PAG1: variants seen among roughly 807,000 people sequenced by gnomAD.
PAG1 encodes the protein phosphoprotein associated with glycosphingolipid-enriched microdomains 1.
Under a neutral mutation model 31.7 loss-of-function variants are expected in PAG1, and 23 were observed. That is an observed-to-expected ratio of 0.73 (90% CI 0.52 to 1.03). The LOEUF is 1.03. PAG1 is among the 50% of genes least tolerant of loss of function. The pLI, the probability that PAG1 is intolerant of heterozygous loss-of-function variation, is 0.00. For missense variants in PAG1, 473 were observed against 540.7 expected, an observed-to-expected ratio of 0.87 and a Z score of 1.24; for synonymous variants, 214 against 210.3, an observed-to-expected ratio of 1.02 and a Z score of -0.15.
At chr8:81,037,558 A>C (rs1341645495) in intron 2 of PAG1, among the ~76,000 whole-genome samples, 2 of 152,252 alleles carry the variant, frequency 1.3e-5, no homozygotes, top group Non-Finnish European at 2.9e-5. Flanking sequence ...CGATGTGTTT[A>C]AGAGAAGCTC....
chr8:80,974,947 T>C lies in PAG1; in HGVS notation c.*1597A>G. The C allele has an allele frequency of 6.6e-6, 1 of 152,246 alleles. No individual in the cohort carries two copies. 9.4% of individuals were successfully genotyped at this position (152,246 alleles called of 1,614,324 possible). On this transcript the variant is annotated 3_prime_UTR_variant, in exon 9 of 9. Coordinates refer to ENST00000220597, the MANE Select transcript of PAG1 (RefSeq NM_018440.4). ...AATTCAAACCAGGCTGAGCTCTTAC[T>C]CTGAGCTATTTCAGCCACTGATGTT...
intron 3 of PAG1, among the ~76,000 whole-genome samples, chr8:81,000,423 C>T (rs1008247069): frequency 6.6e-6 from 1 of 151,178 alleles, no homozygotes; most frequent in African/African-American, 2.4e-5. Flanking sequence ...AAGGCAAATC[C>T]TTTTTTTTTG....
chr8:81,090,098 TCAAA>T (rs897966072), intron 1 of PAG1, among the ~76,000 whole-genome samples: 7 of 152,172 alleles, frequency 4.6e-5, no homozygotes, highest in African/African-American at 1.7e-4. Context: ...TAAAACAATC[TCAAA>T]CAATTACCTA....
chr8:81,048,119 T>G lies in PAG1; in HGVS notation c.-174-18030A>C, dbSNP rs113463359. On this transcript the variant is annotated intron_variant, in intron 2 of 8. Transcript: ENST00000220597. ...CAAACTCCTCATCCCTGCTTGTGCC[T>G]TTGCTGATACCATTCATGACTGGAA... Among the ~76,000 whole-genome samples the G allele has an allele frequency of 3.3e-3, 506 of 152,264 alleles. 3 individuals are homozygous for G. The highest frequency in any genetic ancestry group is 0.011 in the African/African-American group (475 of 41,536).
intron 2 of PAG1, among the ~76,000 whole-genome samples, chr8:81,045,189 G>T (rs1313244865): frequency 1.3e-5 from 2 of 152,116 alleles, no homozygotes; most frequent in Non-Finnish European, 2.9e-5. Context: ...TGTTAAACAT[G>T]TCTCATGTAA....
At chr8:81,098,299 T>G (rs140317102) in intron 1 of PAG1, among the ~76,000 whole-genome samples, 1 of 152,364 alleles carries the variant, frequency 6.6e-6, no homozygotes, top group East Asian at 1.9e-4. Context: ...TTCAATAATT[T>G]GCAACAAGTC....
At chr8:81,041,169 G>A (rs1385692104) in intron 2 of PAG1, among the ~76,000 whole-genome samples, 1 of 152,044 alleles carries the variant, frequency 6.6e-6, no homozygotes, top group African/African-American at 2.4e-5. Flanking sequence ...AGAAATATAG[G>A]AGCAGCCTCC....
At position 81,109,523 on chromosome 8, in the gene PAG1, TAG is replaced by T. The variant is rs1169573535; in HGVS notation, c.-234+2066_-234+2067del. 2.0e-5 allele frequency among the ~76,000 whole-genome samples: 3 copies of T among 152,224 alleles called. No homozygotes were observed. The East Asian group carries it at 5.8e-4, about 29-fold the overall frequency. ...AAATACCAGTTGGTGTCTGTATCGC[TAG>T]ACAGTGCACAATAAATGTTTATACC... is the stretch of plus-strand genomic sequence containing the variant. On this transcript the variant is annotated intron_variant, in intron 1 of 8. Transcript: ENST00000220597.
chr8:81,036,792 T>C (rs1808468575), intron 2 of PAG1, among the ~76,000 whole-genome samples: 1 of 152,222 alleles, frequency 6.6e-6, no homozygotes, highest in African/African-American at 2.4e-5. Flanking sequence ...ACTCCCCAGC[T>C]GCTTTGGCTC....
At chr8:81,056,973 T>A (rs1808834510) in intron 2 of PAG1, among the ~76,000 whole-genome samples, 1 of 152,194 alleles carries the variant, frequency 6.6e-6, no homozygotes, top group African/African-American at 2.4e-5. Context: ...GAAAAAGTGC[T>A]CATCATCACT....
intron 6 of PAG1, among the ~76,000 whole-genome samples, chr8:80,986,280 G>A (rs1289640146): frequency 3.3e-5 from 5 of 152,166 alleles, no homozygotes; most frequent in Non-Finnish European, 5.9e-5. Flanking sequence ...TGATCATCAC[G>A]GAGGGGGTGA....
intron 3 of PAG1, among the ~76,000 whole-genome samples, chr8:81,027,342 C>G (rs1808299666): frequency 6.6e-6 from 1 of 152,140 alleles, no homozygotes; most frequent in Non-Finnish European, 1.5e-5. Context: ...AATGCATCAT[C>G]AAAAAGATTG....
chr8:81,059,181 A>T (rs1286371354), intron 2 of PAG1, among the ~76,000 whole-genome samples: 1 of 152,116 alleles, frequency 6.6e-6, no homozygotes, highest in African/African-American at 2.4e-5. Flanking sequence ...TACTTAATAC[A>T]TTGTAAATGC....
rs549083097 is a variant in PAG1 at position 81,000,301 on chromosome 8, C to G, written c.-80-6994G>C. ...GAAGAATGGTGAGTAGATTCTCAAG[C>G]AGATTCTCAAAATGCAAGTTTAATT... On this transcript the variant is annotated intron_variant, in intron 3 of 8. Coordinates refer to ENST00000220597, the MANE Select transcript of PAG1 (RefSeq NM_018440.4). Among the ~76,000 whole-genome samples, 39 of 152,212 alleles carry G rather than the reference C, an allele frequency of 2.6e-4. 1 individual carries two copies. In the South Asian group the frequency reaches 7.1e-3, roughly 28 times the overall value.
intron 2 of PAG1, among the ~76,000 whole-genome samples, chr8:81,069,599 T>C (rs569578982): frequency 6.6e-6 from 1 of 152,380 alleles, no homozygotes; most frequent in Admixed American, 6.5e-5. Context: ...TAAGGAATTA[T>C]TAACATAACT....
intron 4 of PAG1, among the ~76,000 whole-genome samples, chr8:80,991,986 C>G (rs914369054): frequency 6.6e-6 from 1 of 151,722 alleles, no homozygotes; most frequent in Non-Finnish European, 1.5e-5. Context: ...CAGGGTGAGT[C>G]ATATGTACTT....
At chr8:81,065,860 TATGTC>T (rs1442613439) in intron 2 of PAG1, among the ~76,000 whole-genome samples, 1 of 148,904 alleles carries the variant, frequency 6.7e-6, no homozygotes, top group African/African-American at 2.6e-5. Context: ...ATATATATCA[TATGTC>T]ATATATATAT....
At chr8:81,078,298 T>C (rs907264711) in intron 1 of PAG1, among the ~76,000 whole-genome samples, 7 of 152,218 alleles carry the variant, frequency 4.6e-5, no homozygotes, top group East Asian at 3.8e-4. Context: ...GTCAATCAAT[T>C]TCATTGTAAT....
intron 2 of PAG1, among the ~76,000 whole-genome samples, chr8:81,054,380 C>G (rs535246689): frequency 6.6e-6 from 1 of 152,100 alleles, no homozygotes; most frequent in Non-Finnish European, 1.5e-5. Flanking sequence ...ACAGCTAACA[C>G]GAGGCACAGG....
Sources: allele counts gnomAD v4.1 joint callset (sites outside exome capture counted in the v4.1 genomes callset), GRCh38; gene constraint gnomAD v4.1.1; transcripts MANE v1.5; gene names NCBI Gene and HGNC (gene_info 2026-07-23, HGNC 2026-07-21).